PPP1R1C: variants seen among roughly 807,000 people sequenced by gnomAD.
PPP1R1C encodes protein phosphatase 1 regulatory subunit 1C.
PPP1R1C carries 15 observed loss-of-function variants against 17.4 expected under a neutral mutation model. That is an observed-to-expected ratio of 0.86 (90% CI 0.58 to 1.33). The LOEUF is 1.33. Ranked by LOEUF, PPP1R1C falls within the 40% of genes most tolerant of loss-of-function variation. PPP1R1C has a pLI of 0.00. For missense variants in PPP1R1C, 143 were observed against 130.0 expected (o/e 1.10, Z -0.48); for synonymous variants, 35 against 43.1 (o/e 0.81, Z 0.73).
chr2:181,985,821 T>C, upstream of PPP1R1C: 1 of 426,896 alleles, frequency 2.3e-6, no homozygotes, highest in Non-Finnish European at 4.2e-6. This position sits in a 1 kb window ranked among gnomAD's most constrained non-coding sequence, Gnocchi z 4.1. Flanking sequence ...ATGCTTGGCA[T>C]GTGTATTAGT....
At chr2:182,001,328 G>C (rs1685761209) in intron 2 of PPP1R1C, among the ~76,000 whole-genome samples, 2 of 152,116 alleles carry the variant, frequency 1.3e-5, no homozygotes, top group African/African-American at 4.8e-5. Flanking sequence ...GAGTTTTAGA[G>C]GACAATTGAA....
chr2:181,969,970 CTT>C (rs1684973974), intron 1 of PPP1R1C, among the ~76,000 whole-genome samples: 1 of 152,132 alleles, frequency 6.6e-6, no homozygotes, highest in African/African-American at 2.4e-5. Flanking sequence ...ATTCCAATCT[CTT>C]TGTTAAATTT....
chr2:182,047,115 C>T (rs1030500850), intron 2 of PPP1R1C, among the ~76,000 whole-genome samples: 2 of 152,118 alleles, frequency 1.3e-5, no homozygotes, highest in Admixed American at 1.3e-4. Context: ...AAATTGTTAA[C>T]GTTTGAATAA....
intron 5 of PPP1R1C, among the ~76,000 whole-genome samples, chr2:182,124,327 G>GTTTTTTTTTTTTTTTTTTTTTTTTT (rs1294464668): frequency 3.6e-5 from 3 of 83,006 alleles, no homozygotes; most frequent in African/African-American, 1.2e-4. Flanking sequence ...TTTTTTTTTT[G>GTTTTTTTTTTTTTTTTTTTTTTTTT]TTTTTTTTTT....
chr2:182,106,572 C>A (rs1340785280), intron 4 of PPP1R1C, among the ~76,000 whole-genome samples: 1 of 152,164 alleles, frequency 6.6e-6, no homozygotes, highest in Non-Finnish European at 1.5e-5. Context: ...CTACCTCCAC[C>A]ACTCAGTAAA....
intron 4 of PPP1R1C, among the ~76,000 whole-genome samples, chr2:182,081,739 A>G: frequency 6.6e-6 from 1 of 152,212 alleles, no homozygotes; most frequent in East Asian, 1.9e-4. Context: ...GAATTACATT[A>G]ACTATGTCTA....
rs568491977 is a variant in PPP1R1C at position 181,961,630 on chromosome 2, G to A, written n.111+6996G>A. 122 of 744,736 alleles carry A rather than the reference G, an allele frequency of 1.6e-4. No individual in the cohort carries two copies. Among genetic ancestry groups the A allele is most frequent in the Admixed American group, 3.7e-4 (21 of 56,024 alleles). 46.1% of individuals were successfully genotyped at this position (744,736 alleles called of 1,614,324 possible). On this transcript the variant is annotated intron_variant and non_coding_transcript_variant, in intron 1 of 5. Transcript: ENST00000464264. This position sits in a 1 kb window ranked among gnomAD's most constrained non-coding sequence, Gnocchi z 5.8. ...AGCATCTCCAACCTTGGTGGACTGCGTAGTGACCACTGTGGTGCTCTTCTC... is the reference window on the plus strand; with the variant it reads ...AGCATCTCCAACCTTGGTGGACTGCATAGTGACCACTGTGGTGCTCTTCTC...
intron 2 of PPP1R1C, among the ~76,000 whole-genome samples, chr2:182,037,624 A>G (rs1687051612): frequency 6.6e-6 from 1 of 152,170 alleles, no homozygotes; most frequent in African/African-American, 2.4e-5. Context: ...CAATTAAAGA[A>G]TAGCAATTAT....
chr2:182,056,856 A>G (rs964371132), intron 2 of PPP1R1C, among the ~76,000 whole-genome samples: 1 of 152,198 alleles, frequency 6.6e-6, no homozygotes, highest in African/African-American at 2.4e-5. Context: ...GGGAAGTCAT[A>G]CATCCTTATT....
chr2:182,125,130 G>A (rs926760172), intron 5 of PPP1R1C, among the ~76,000 whole-genome samples: 25 of 151,998 alleles, frequency 1.6e-4, no homozygotes, highest in African/African-American at 6.0e-4. Context: ...TTTATCAAAG[G>A]CCTTTTTCTG....
intron 2 of PPP1R1C, among the ~76,000 whole-genome samples, chr2:182,052,713 T>A (rs536243298): frequency 6.6e-6 from 1 of 152,330 alleles, no homozygotes; most frequent in South Asian, 2.1e-4. Flanking sequence ...AAAGATATTA[T>A]CCACTTAATC....
At chr2:182,124,327 G>GTTTTTTTT (rs1294464668) in intron 5 of PPP1R1C, among the ~76,000 whole-genome samples, 2 of 83,008 alleles carry the variant, frequency 2.4e-5, no homozygotes, top group African/African-American at 6.0e-5. Context: ...TTTTTTTTTT[G>GTTTTTTTT]TTTTTTTTTT....
At chr2:182,052,885 G>A (rs1355730007) in intron 2 of PPP1R1C, among the ~76,000 whole-genome samples, 7 of 151,710 alleles carry the variant, frequency 4.6e-5, no homozygotes, top group Non-Finnish European at 7.4e-5. Context: ...CATTAGAATA[G>A]CTCCCAAATG....
intron 2 of PPP1R1C, among the ~76,000 whole-genome samples, chr2:181,999,680 G>A (rs1170037435): frequency 6.6e-6 from 1 of 151,262 alleles, no homozygotes; most frequent in Non-Finnish European, 1.5e-5. Flanking sequence ...TTTTGAAGTG[G>A]TAATTCTATA....
intron 5 of PPP1R1C, among the ~76,000 whole-genome samples, chr2:182,126,185 GTT>G (rs1220495134): frequency 6.6e-6 from 1 of 151,832 alleles, no homozygotes; most frequent in East Asian, 1.9e-4. Flanking sequence ...GTCTTTATAT[GTT>G]TTTTTGGCCA....
intron 4 of PPP1R1C, among the ~76,000 whole-genome samples, chr2:182,111,968 A>G (rs1689452080): frequency 6.6e-6 from 1 of 152,120 alleles, no homozygotes; most frequent in Non-Finnish European, 1.5e-5. Flanking sequence ...TCTAATGAGT[A>G]TGTTGCTCAA....
rs1686706158 is a variant in PPP1R1C, at chr2:182,028,693, T to C, written c.143-32749T>C. Among the ~76,000 whole-genome samples, 4 of 149,792 alleles carry C rather than the reference T, an allele frequency of 2.7e-5. No homozygotes were observed. In the South Asian group the frequency reaches 8.8e-4, roughly 33 times the overall value. On this transcript the variant is annotated intron_variant, in intron 2 of 4. Coordinates refer to ENST00000682840, the MANE Select transcript of PPP1R1C (RefSeq NM_001080545.3). ...CTGAAAAAAGTGTATATTTTGTTGA[T>C]TTGGGGTGGAGAGTTCTGTAGATGT...
chr2:182,047,150 T>G (rs1687372458), intron 2 of PPP1R1C, among the ~76,000 whole-genome samples: 1 of 152,180 alleles, frequency 6.6e-6, no homozygotes. Context: ...CCTCAATTAT[T>G]TCCCCTACTT....
At chr2:182,074,509 A>G (rs1325387733) in intron 4 of PPP1R1C, among the ~76,000 whole-genome samples, 1 of 152,148 alleles carries the variant, frequency 6.6e-6, no homozygotes, top group Non-Finnish European at 1.5e-5. Flanking sequence ...TACTCATCAT[A>G]TTTTCTTCCA....
Sources: allele counts gnomAD v4.1 joint callset (sites outside exome capture counted in the v4.1 genomes callset), GRCh38; gene constraint gnomAD v4.1.1; non-coding constraint Gnocchi (gnomAD v3.1); transcripts MANE v1.5; gene names NCBI Gene and HGNC (gene_info 2026-07-23, HGNC 2026-07-21).